Variants in DCAF12 observed in about 807,000 individuals in gnomAD.
DCAF12 encodes the protein DDB1 and CUL4 associated factor 12.
A neutral mutation model predicts 52.8 loss-of-function variants in DCAF12; 28 were observed. The observed-to-expected ratio is 0.53, with a 90% CI of 0.39 to 0.73. The LOEUF is 0.73. Ranked by LOEUF, DCAF12 falls within the 30% of genes least tolerant of loss-of-function variation. DCAF12 has a pLI of 0.00. For synonymous variants in DCAF12, 196 were observed against 215.5 expected (o/e 0.91, Z 0.79); for missense variants, 425 against 552.2 (o/e 0.77, Z 2.31).
At chr9:34,092,706 C>CA (rs1399495278) in intron 7 of DCAF12, among the ~76,000 whole-genome samples, 2 of 149,542 alleles carry the variant, frequency 1.3e-5, no homozygotes, top group Non-Finnish European at 3.0e-5. Context: ...ACAACAACAA[C>CA]AAAAAAAAAG....
intron 7 of DCAF12, among the ~76,000 whole-genome samples, chr9:34,092,798 T>C (rs1828666064): frequency 1.3e-5 from 2 of 152,148 alleles, no homozygotes; most frequent in South Asian, 2.1e-4. Context: ...TGGCCACACA[T>C]TTGTCTGTGG....
intron 7 of DCAF12, among the ~76,000 whole-genome samples, chr9:34,090,252 CAG>C (rs1410536393): frequency 2.6e-5 from 4 of 152,070 alleles, no homozygotes; most frequent in Non-Finnish European, 5.9e-5. Flanking sequence ...TCAGGAGAGA[CAG>C]GGTTTCACCA....
At chr9:34,102,301 T>C (rs764040595) in intron 4 of DCAF12, among the ~76,000 whole-genome samples, 11 of 150,194 alleles carry the variant, frequency 7.3e-5, no homozygotes, top group Non-Finnish European at 8.9e-5. Context: ...AAAAGAATAA[T>C]GACTGTTTTA....
At chr9:34,121,017 G>A (rs1829166430) in intron 2 of DCAF12, among the ~76,000 whole-genome samples, 1 of 152,096 alleles carries the variant, frequency 6.6e-6, no homozygotes, top group Non-Finnish European at 1.5e-5. Flanking sequence ...AGCTGTGCGT[G>A]GTGGCATGTG....
chr9:34,091,734 G>A (rs1275305533), intron 7 of DCAF12, among the ~76,000 whole-genome samples: 7 of 152,086 alleles, frequency 4.6e-5, no homozygotes, highest in African/African-American at 1.7e-4. Flanking sequence ...AAAAGAGAGG[G>A]TGAACTGCAA....
intron 3 of DCAF12, 128 bp downstream of exon 3, chr9:34,107,231 A>T: frequency 1.1e-6 from 1 of 880,400 alleles, no homozygotes; most frequent in Non-Finnish European, 1.8e-6. Context: ...CCCCTTTATC[A>T]AATATACACT....
rs577514390 is a variant in DCAF12 at position 34,094,653 on chromosome 9, C to T, written c.862-1205G>A. ...TCACACCATTCTCCTGCCTCAGCTTCCCGGGTAGCTGGGACTACAAGCGCC... is the reference window on the plus strand; with the variant it reads ...TCACACCATTCTCCTGCCTCAGCTTTCCGGGTAGCTGGGACTACAAGCGCC... On this transcript the variant is annotated intron_variant, in intron 6 of 8. Transcript: ENST00000361264. Among the ~76,000 whole-genome samples the T allele has an allele frequency of 3.3e-5, 5 of 151,342 alleles. No individual in the cohort carries two copies. In the East Asian group the frequency reaches 1.0e-3, roughly 30 times the overall value.
rs1320159056 is a variant in DCAF12 at position 34,125,220 on chromosome 9, A to C, written c.136T>G (p.Leu46Val). ...TCCCGGTTCTTCAAGTAGTATACTAAGGATCTCTTCACAGGAGGAAGTCTT... is the reference window on the plus strand; with the variant it reads ...TCCCGGTTCTTCAAGTAGTATACTACGGATCTCTTCACAGGAGGAAGTCTT... The part of the protein sequence containing the change: ...RKRLPPVKRS[L>V]VYYLKNREVR... Residue 46 changes from leucine (L) to valine (V), a missense_variant, in exon 2 of 9, where the codon TTA (leucine) becomes GTA (valine). By Grantham distance (32) the Leu-to-Val change is conservative. Coordinates refer to ENST00000361264, the MANE Select transcript of DCAF12 (RefSeq NM_015397.4). 1 of 1,614,102 alleles carries C rather than the reference A, an allele frequency of 6.2e-7. No homozygotes were observed. The highest frequency in any genetic ancestry group is 8.5e-7 in the Non-Finnish European group (1 of 1,180,052).
chr9:34,099,719 G>A (rs912778937), intron 4 of DCAF12, among the ~76,000 whole-genome samples: 28 of 151,224 alleles, frequency 1.9e-4, no homozygotes, highest in African/African-American at 6.5e-4. Context: ...TCAGCCTCCC[G>A]AGCAGTTGGG....
chr9:34,109,501 G>A (rs1183190301), intron 2 of DCAF12: 1 of 156,906 alleles, frequency 6.4e-6, no homozygotes, highest in Non-Finnish European at 1.4e-5. Context: ...TGGAGATTAA[G>A]CATTTACTTA....
intron 2 of DCAF12, among the ~76,000 whole-genome samples, chr9:34,111,318 T>C (rs367878640): frequency 6.6e-6 from 1 of 152,146 alleles, no homozygotes; most frequent in African/African-American, 2.4e-5. Flanking sequence ...CATGTACTTA[T>C]CTTTCATGAT....
chr9:34,116,126 G>A (rs994871668), intron 2 of DCAF12, among the ~76,000 whole-genome samples: 3 of 152,100 alleles, frequency 2.0e-5, no homozygotes, highest in Non-Finnish European at 2.9e-5. Context: ...CACTTTGGGA[G>A]GTGGGCAGAT....
At chr9:34,121,944 A>G (rs977498958) in intron 2 of DCAF12, among the ~76,000 whole-genome samples, 1 of 152,198 alleles carries the variant, frequency 6.6e-6, no homozygotes, top group Non-Finnish European at 1.5e-5. Context: ...TCTGTCTCAA[A>G]AAAACCAAAA....
chr9:34,111,752 G>A (rs559306593), intron 2 of DCAF12, among the ~76,000 whole-genome samples: 43 of 152,242 alleles, frequency 2.8e-4, no homozygotes, highest in Non-Finnish European at 3.4e-4. Context: ...ATTCTTTAGG[G>A]AATATGTAAC....
chr9:34,115,156 T>C (rs1005321061), intron 2 of DCAF12, among the ~76,000 whole-genome samples: 8 of 150,260 alleles, frequency 5.3e-5, no homozygotes, highest in Non-Finnish European at 1.0e-4. Flanking sequence ...TGTGGAGAGG[T>C]TGGGAAAGGA....
chr9:34,117,370 T>C (rs1242573071), intron 2 of DCAF12, among the ~76,000 whole-genome samples: 1 of 151,690 alleles, frequency 6.6e-6, no homozygotes, highest in Admixed American at 6.6e-5. Flanking sequence ...CAGGATGGTC[T>C]TGATCTCCTC....
intron 2 of DCAF12, among the ~76,000 whole-genome samples, chr9:34,116,250 G>A (rs1461742326): frequency 6.6e-6 from 1 of 151,932 alleles, no homozygotes; most frequent in Non-Finnish European, 1.5e-5. Flanking sequence ...CCAGTTACTC[G>A]GGAGGCTGAG....
chr9:34,121,085 C>T (rs945168946), intron 2 of DCAF12, among the ~76,000 whole-genome samples: 4 of 152,004 alleles, frequency 2.6e-5, no homozygotes, highest in South Asian at 2.1e-4. Context: ...ACCTGGGAGA[C>T]GGAGGTTGCA....
At position 34,088,191 on chromosome 9, in the gene DCAF12, G is replaced by C; in HGVS notation, c.*159C>G. ...AAAGCAAAACAACTTTCAGATTTCT[G>C]TACAGAGCTTCTTCCTATTAAGTGC... On this transcript the variant is annotated 3_prime_UTR_variant, in exon 9 of 9. Transcript: ENST00000361264. The C allele has an allele frequency of 1.5e-6, 1 of 672,648 alleles. No homozygotes were observed. Among genetic ancestry groups the C allele is most frequent in the Non-Finnish European group, 2.3e-6 (1 of 434,472 alleles). The allele number at this position is 672,648 out of a possible 1,614,324, so 41.7% of individuals were successfully genotyped here.
Sources: gnomAD v4.1 joint callset for allele counts (sites outside exome capture counted in the v4.1 genomes callset) on GRCh38, gnomAD v4.1.1 for gene constraint, MANE v1.5 for transcripts, NCBI Gene and HGNC (gene_info 2026-07-23, HGNC 2026-07-21) for gene names.